The following SIPA1L1 variants were observed in gnomAD, a reference collection of about 807,000 sequenced individuals.
SIPA1L1 encodes the protein signal-induced proliferation-associated 1-like protein 1.
A neutral mutation model predicts 162.7 loss-of-function variants in SIPA1L1; 26 were observed. The ratio of observed to expected loss-of-function variants is 0.16; its 90% CI spans 0.12 to 0.22. The LOEUF (loss-of-function observed/expected upper bound fraction) is 0.22. SIPA1L1 is among the 10% of genes least tolerant of loss of function. SIPA1L1 has a pLI of 1.00. For synonymous variants in SIPA1L1, 829 were observed against 837.4 expected (o/e 0.99, Z 0.17); for missense variants, 1,874 against 2,241.0 (o/e 0.84, Z 3.31).
chr14:71,723,634 T>C lies in SIPA1L1; in HGVS notation c.4209-13T>C. The C allele has an allele frequency of 1.2e-6, 2 of 1,613,838 alleles. No individual in the cohort carries two copies. The highest frequency in any genetic ancestry group is 1.7e-6 in the Non-Finnish European group (2 of 1,179,712). ...TCCTGAGATACACATGTCTTTGCCC[T>C]GCTTCTCCTCAGTACCATGAGCTCC... On this transcript the variant is annotated splice_polypyrimidine_tract_variant and intron_variant, in intron 17 of 23. Transcript: ENST00000381232.
intron 5 of SIPA1L1, among the ~76,000 whole-genome samples, chr14:71,610,458 C>G (rs2038078564): frequency 6.6e-6 from 1 of 152,154 alleles, no homozygotes; most frequent in Admixed American, 6.5e-5. Flanking sequence ...CTCTTAACTA[C>G]TATGAATATT....
rs2043225000 is a variant in SIPA1L1 at position 71,658,219 on chromosome 14, C to T, written c.1994-114C>T. The T allele has an allele frequency of 1.7e-5, 11 of 635,938 alleles. 1 individual carries two copies. The allele number at this position is 635,938 out of a possible 1,614,324, so 39.4% of individuals were successfully genotyped here. ...GAAGAACACCTGTCTTGTCTAGAAT[C>T]TTTTCATCCTAAATCATTTTCTTTT... On this transcript the variant is annotated intron_variant, in intron 8 of 23. Transcript: ENST00000381232.
intron 10 of SIPA1L1, among the ~76,000 whole-genome samples, chr14:71,669,950 C>G (rs140183063): frequency 1.4e-3 from 208 of 151,940 alleles, no homozygotes; most frequent in Non-Finnish European, 2.5e-3. Flanking sequence ...CAAACCCTTC[C>G]TAAAGAAAAA....
chr14:71,570,677 A>G (rs569830557), intron 4 of SIPA1L1, among the ~76,000 whole-genome samples: 1 of 152,348 alleles, frequency 6.6e-6, no homozygotes, highest in South Asian at 2.1e-4. Flanking sequence ...AACAGAAGAA[A>G]AGTAAATTTG....
At chr14:71,732,431 A>G (rs998763766) in intron 20 of SIPA1L1, among the ~76,000 whole-genome samples, 2 of 151,964 alleles carry the variant, frequency 1.3e-5, no homozygotes, top group Non-Finnish European at 2.9e-5. Context: ...TACTGAGGGC[A>G]TTTCTATGTC....
Position 71,543,970 on chromosome 14 carries a change from T to C in SIPA1L1, c.-303+14600T>C, listed in dbSNP as rs1054392647. ...ACATATACGCACATGTATGTATATATACACACACGCACATGTATATATACA... is the reference window on the plus strand; with the variant it reads ...ACATATACGCACATGTATGTATATACACACACACGCACATGTATATATACA... On this transcript the variant is annotated intron_variant, in intron 4 of 23. Transcript: ENST00000381232. Among the ~76,000 whole-genome samples, 35 of 150,236 alleles carry C rather than the reference T, an allele frequency of 2.3e-4. 1 individual carries two copies. The highest frequency in any genetic ancestry group is 1.6e-3 in the Admixed American group (24 of 15,054).
At chr14:71,710,992 G>T (rs961906049) in intron 17 of SIPA1L1, among the ~76,000 whole-genome samples, 18 of 152,058 alleles carry the variant, frequency 1.2e-4, no homozygotes, top group African/African-American at 2.4e-5. Context: ...TAAGTATTTT[G>T]TTTTCTCATG....
At chr14:71,483,344 T>TTTGCTCTTTGTGCGCACA (rs1475703907) in intron 2 of SIPA1L1, among the ~76,000 whole-genome samples, 1 of 152,206 alleles carries the variant, frequency 6.6e-6, no homozygotes, top group Admixed American at 6.6e-5. Context: ...GAAGTTGCAC[T>TTTGCTCTTTGTGCGCACA]TTGCTCTTTG....
At chr14:71,622,788 T>TC (rs1372423204) in intron 6 of SIPA1L1, among the ~76,000 whole-genome samples, 1 of 152,106 alleles carries the variant, frequency 6.6e-6, no homozygotes, top group Non-Finnish European at 1.5e-5. Context: ...GTATACATCG[T>TC]CCCCCTACGA....
In SIPA1L1 at chr14:71,699,272, A is replaced by G. The variant is rs2081905238; in HGVS notation, c.3521+145A>G. On this transcript the variant is annotated intron_variant, in intron 14 of 23. Coordinates refer to ENST00000381232, the MANE Select transcript of SIPA1L1 (RefSeq NM_001386936.1). Reference sequence around the variant, plus strand: ...AGAGAAAACGTAGTTAATAATCCAGATAGAAAAATGGCTTCATGGCTGGTT... The same window carrying G: ...AGAGAAAACGTAGTTAATAATCCAGGTAGAAAAATGGCTTCATGGCTGGTT... The G allele has an allele frequency of 1.9e-5, 15 of 801,630 alleles. No homozygotes were observed. The South Asian group carries it at 2.8e-4, about 15-fold the overall frequency. The allele number at this position is 801,630 out of a possible 1,614,324, so 49.7% of individuals were successfully genotyped here.
chr14:71,711,522 T>C (rs2082873085), intron 17 of SIPA1L1, among the ~76,000 whole-genome samples: 1 of 152,236 alleles, frequency 6.6e-6, no homozygotes, highest in Non-Finnish European at 1.5e-5. Flanking sequence ...TCTGAAAATA[T>C]TTCTCTGGTC....
intron 2 of SIPA1L1, among the ~76,000 whole-genome samples, chr14:71,475,758 C>T (rs1436368452): frequency 1.3e-5 from 2 of 152,230 alleles, no homozygotes; most frequent in East Asian, 1.9e-4. Flanking sequence ...AAAGGGAAGG[C>T]GCAGTCAGTG....
chr14:71,418,704 G>A (rs932245978), intron 2 of SIPA1L1, among the ~76,000 whole-genome samples: 1 of 152,158 alleles, frequency 6.6e-6, no homozygotes, highest in Non-Finnish European at 1.5e-5. Context: ...TTTAATGTTT[G>A]TCAATCCCTC....
rs1567181285 is a variant in SIPA1L1, at chr14:71,544,215, GTGTA to G, written c.-303+14847_-303+14850del. On this transcript the variant is annotated intron_variant, in intron 4 of 23. Coordinates refer to ENST00000381232, the MANE Select transcript of SIPA1L1 (RefSeq NM_001386936.1). ...TACATATGCATGTATGCACATGCAT[GTGTA>G]TATACATATATCATGTATGTATACA... Among the ~76,000 whole-genome samples the G allele has an allele frequency of 2.8e-5, 4 of 145,376 alleles. 1 individual carries two copies.
At chr14:71,574,551 G>A (rs181210507) in intron 4 of SIPA1L1, 49 of 152,296 alleles carry the variant, frequency 3.2e-4, no homozygotes, top group African/African-American at 1.1e-3. Context: ...GCTAAGACTC[G>A]TGCTAATATG....
At chr14:71,465,269 C>T (rs1054419641) in intron 2 of SIPA1L1, among the ~76,000 whole-genome samples, 2 of 152,204 alleles carry the variant, frequency 1.3e-5, no homozygotes, top group African/African-American at 2.4e-5. Context: ...GAGCTTGTGT[C>T]TGTTTTCCAC....
At chr14:71,422,696 T>A (rs1219044912) in intron 2 of SIPA1L1, among the ~76,000 whole-genome samples, 1 of 152,254 alleles carries the variant, frequency 6.6e-6, no homozygotes, top group African/African-American at 2.4e-5. Context: ...CTGTTGTATG[T>A]GTATACCACA....
intron 10 of SIPA1L1, among the ~76,000 whole-genome samples, chr14:71,669,534 C>A (rs921813125): frequency 2.0e-5 from 3 of 152,098 alleles, no homozygotes; most frequent in South Asian, 4.1e-4. Flanking sequence ...ATCTAGCAAA[C>A]CTGGATTTCA....
intron 2 of SIPA1L1, among the ~76,000 whole-genome samples, chr14:71,477,103 T>C (rs911736420): frequency 1.3e-5 from 2 of 151,872 alleles, no homozygotes; most frequent in Non-Finnish European, 1.5e-5. Context: ...AATACAAAAA[T>C]TATCCAGGTG....
Sources: allele counts gnomAD v4.1 joint callset (sites outside exome capture counted in the v4.1 genomes callset), GRCh38; gene constraint gnomAD v4.1.1; transcripts MANE v1.5; gene names NCBI Gene and HGNC (gene_info 2026-07-23, HGNC 2026-07-21).